LMX1B: variants seen among roughly 807,000 people sequenced by gnomAD.
LMX1B encodes the protein LIM homeobox transcription factor 1-beta.
In LMX1B, 12 loss-of-function variants were observed where a neutral mutation model predicts 51.4. The observed-to-expected ratio is 0.23, with a 90% CI of 0.15 to 0.38. The LOEUF (loss-of-function observed/expected upper bound fraction) is 0.38, where lower values mean the gene tolerates loss of function less well. Among genes scored for constraint, LMX1B ranks in the 10% least tolerant of loss-of-function variants. The probability of loss-of-function intolerance (pLI) is 1.00; values close to 1 mark genes in which losing one functional copy is unlikely to be tolerated. For missense variants in LMX1B, 445 were observed against 571.1 expected (o/e 0.78, Z 2.25); for synonymous variants, 237 against 235.4 (o/e 1.01, Z -0.06).
Position 126,618,064 on chromosome 9 carries a change from T to A in LMX1B, c.326+2495T>A, listed in dbSNP as rs1010875921. ...TTTTTATTCACATTTCTTTTTTTCTTTGAGAATTGCAGATGCATATTTATT... is the reference window on the plus strand; with the variant it reads ...TTTTTATTCACATTTCTTTTTTTCTATGAGAATTGCAGATGCATATTTATT... On this transcript the variant is annotated intron_variant, in intron 2 of 7. Coordinates refer to ENST00000373474, the MANE Select transcript of LMX1B (RefSeq NM_001174147.2). The surrounding 1 kb of genome is among the most constrained non-coding windows in gnomAD (Gnocchi z 4.5). Among the ~76,000 whole-genome samples, 2 of 152,136 alleles carry A rather than the reference T, an allele frequency of 1.3e-5. No individual in the cohort carries two copies. Among genetic ancestry groups the A allele is most frequent in the African/African-American group, 2.4e-5 (1 of 41,446 alleles).
chr9:126,682,859 C>A (rs1462566440), intron 2 of LMX1B, among the ~76,000 whole-genome samples: 2 of 146,676 alleles, frequency 1.4e-5, no homozygotes, highest in Non-Finnish European at 3.0e-5. Flanking sequence ...CACGCCACTG[C>A]ACTCCAGCCT....
chr9:126,628,397 C>T (rs1458020083), intron 2 of LMX1B, among the ~76,000 whole-genome samples: 1 of 152,174 alleles, frequency 6.6e-6, no homozygotes, highest in East Asian at 1.9e-4. Flanking sequence ...TATTTATTAG[C>T]CAATCCTGGG....
At chr9:126,696,050 C>T (rs2030319563) in intron 7 of LMX1B, 47 bp downstream of exon 7, 1 of 1,459,788 alleles carries the variant, frequency 6.9e-7, no homozygotes, top group African/African-American at 1.4e-5. Context: ...AGCCCCTGCC[C>T]CCTGCCAGGC....
rs373425481 is a variant in LMX1B, at chr9:126,639,313, C to T, written c.326+23744C>T. Among the ~76,000 whole-genome samples, 4 of 152,252 alleles carry T rather than the reference C, an allele frequency of 2.6e-5. No homozygotes were observed. The East Asian group carries it at 7.7e-4, about 29-fold the overall frequency. On this transcript the variant is annotated intron_variant, in intron 2 of 7. Transcript: ENST00000373474. ...GCATCCTGGGGCCGGTCCCCGAGGG[C>T]TCGGTAATGGGGCTCCCAGCCAGCC...
chr9:126,696,364 C>T lies in LMX1B; in HGVS notation c.1122C>T (p.Gly374=). The T allele has an allele frequency of 6.2e-7, 1 of 1,614,096 alleles. No individual in the cohort carries two copies. Among genetic ancestry groups the T allele is most frequent in the Non-Finnish European group, 8.5e-7 (1 of 1,179,942 alleles). ...SLTSLSDCFL[G]SSDVGSLQAR... ...CCAGCCTCAGCGACTGCTTCCTCGG[C>T]TCCTCAGACGTGGGCTCCCTGCAGG... The change falls in exon 8 of 8, where the codon GGC becomes GGT. Residue 374 remains glycine, a synonymous_variant. Transcript: ENST00000373474.
intron 2 of LMX1B, among the ~76,000 whole-genome samples, chr9:126,654,819 C>T (rs1836081758): frequency 6.6e-6 from 1 of 152,188 alleles, no homozygotes; most frequent in Non-Finnish European, 1.5e-5. Flanking sequence ...ACTCCCCACC[C>T]CCTGCATCAG....
chr9:126,651,803 T>G (rs560873983), intron 2 of LMX1B, among the ~76,000 whole-genome samples: 1 of 152,108 alleles, frequency 6.6e-6, no homozygotes, highest in Non-Finnish European at 1.5e-5. Flanking sequence ...GACCAGGGTC[T>G]GAGCTGGGAG....
At chr9:126,659,253 G>T (rs985249936) in intron 2 of LMX1B, among the ~76,000 whole-genome samples, 11 of 152,336 alleles carry the variant, frequency 7.2e-5, no homozygotes, top group African/African-American at 2.6e-4. Flanking sequence ...ACCAGTGCTG[G>T]GCAGGTGGTG....
Position 126,695,731 on chromosome 9 carries a change from A to G in LMX1B, c.887-108A>G. The G allele has an allele frequency of 7.8e-7, 1 of 1,286,856 alleles. No individual in the cohort carries two copies. Among genetic ancestry groups the G allele is most frequent in the Non-Finnish European group, 1.1e-6 (1 of 906,344 alleles). The allele number at this position is 1,286,856 out of a possible 1,614,324, so 79.7% of individuals were successfully genotyped here. A position where few individuals can be genotyped will look rare whatever the true frequency, so the allele number is the denominator to read the frequency against. Reference sequence around the variant, plus strand: ...AGTCAGTGTCTGGACAGCTTCAGCCAGAGTGGGGTGCCTGGGGAGTCCCAA... The same window carrying G: ...AGTCAGTGTCTGGACAGCTTCAGCCGGAGTGGGGTGCCTGGGGAGTCCCAA... On this transcript the variant is annotated intron_variant, in intron 6 of 7. Coordinates refer to ENST00000373474, the MANE Select transcript of LMX1B (RefSeq NM_001174147.2). The surrounding 1 kb of genome is among the most constrained non-coding windows in gnomAD (Gnocchi z 5.2).
At chr9:126,681,349 C>T (rs952859502) in intron 2 of LMX1B, among the ~76,000 whole-genome samples, 5 of 152,186 alleles carry the variant, frequency 3.3e-5, no homozygotes, top group Non-Finnish European at 1.5e-5. Context: ...ACTCCCTGTT[C>T]TTCCCCTGCC....
chr9:126,617,968 C>G (rs1464181367), intron 2 of LMX1B, among the ~76,000 whole-genome samples: 1 of 151,912 alleles, frequency 6.6e-6, no homozygotes, highest in Non-Finnish European at 1.5e-5. Flanking sequence ...AGTCGTTTCA[C>G]AGGGAGATGG....
At chr9:126,670,614 T>C (rs1167098230) in intron 2 of LMX1B, among the ~76,000 whole-genome samples, 1 of 152,164 alleles carries the variant, frequency 6.6e-6, no homozygotes, top group Non-Finnish European at 1.5e-5. Context: ...TTGACAGGCA[T>C]GTGTGAGTGG....
intron 2 of LMX1B, among the ~76,000 whole-genome samples, chr9:126,669,039 G>A (rs895027567): frequency 7.9e-5 from 12 of 152,378 alleles, no homozygotes; most frequent in Admixed American, 6.5e-4. Flanking sequence ...AGCAGCAGCA[G>A]GCCTGGGGTC....
At chr9:126,646,422 A>ATCCC (rs1708733559) in intron 2 of LMX1B, among the ~76,000 whole-genome samples, 2 of 151,820 alleles carry the variant, frequency 1.3e-5, no homozygotes, top group South Asian at 4.2e-4. Context: ...CCATCCATCC[A>ATCCC]TCCAGCCCTC....
chr9:126,627,567 G>A (rs1185852651), intron 2 of LMX1B, among the ~76,000 whole-genome samples: 3 of 152,026 alleles, frequency 2.0e-5, no homozygotes, highest in African/African-American at 7.2e-5. Flanking sequence ...CCTGGCCTCT[G>A]AGCCTGCTCC....
chr9:126,689,806 C>T (rs1564168174), intron 2 of LMX1B, among the ~76,000 whole-genome samples: 1 of 152,246 alleles, frequency 6.6e-6, no homozygotes, highest in African/African-American at 2.4e-5. Context: ...ATTTACTACC[C>T]ATGCGACCCT....
chr9:126,620,769 G>C (rs1408988602), intron 2 of LMX1B, among the ~76,000 whole-genome samples: 2 of 152,170 alleles, frequency 1.3e-5, no homozygotes, highest in Non-Finnish European at 2.9e-5. Context: ...TTTCCACCGG[G>C]AAACAATTGG....
chr9:126,661,502 G>A (rs565361121), intron 2 of LMX1B, among the ~76,000 whole-genome samples: 186 of 152,314 alleles, frequency 1.2e-3, no homozygotes, highest in Non-Finnish European at 2.5e-4. Flanking sequence ...GTCTGTTTGT[G>A]GGGCAGCAGG....
In LMX1B at chr9:126,699,690, C is replaced by A. The variant is rs1038949377; in HGVS notation, c.*3239C>A. The A allele has an allele frequency of 1.3e-5, 2 of 152,250 alleles. No homozygotes were observed. The highest frequency in any genetic ancestry group is 6.5e-5 in the Admixed American group (1 of 15,278). The allele number at this position is 152,250 out of a possible 1,614,324, so 9.4% of individuals were successfully genotyped here. A position where few individuals can be genotyped will look rare whatever the true frequency, so the allele number is the denominator to read the frequency against. On this transcript the variant is annotated 3_prime_UTR_variant, in exon 8 of 8. Transcript: ENST00000373474. ...TAGAAGGAAAGCCAGACTCTCCGGC[C>A]CAGCCAGAGAGTCCAGACATGGCAG...
Sources: gnomAD v4.1 joint callset for allele counts (sites outside exome capture counted in the v4.1 genomes callset) on GRCh38, gnomAD v4.1.1 for gene constraint, Gnocchi (gnomAD v3.1) non-coding constraint, MANE v1.5 for transcripts, NCBI Gene and HGNC (gene_info 2026-07-23, HGNC 2026-07-21) for gene names.